Variants in DCC observed in about 807,000 individuals in gnomAD.
The protein encoded by DCC is netrin receptor DCC.
DCC carries 58 observed loss-of-function variants against 172.5 expected under a neutral mutation model. The observed-to-expected ratio is 0.34, with a 90% CI of 0.27 to 0.42. The LOEUF (loss-of-function observed/expected upper bound fraction) is 0.42. DCC is among the 10% of genes least tolerant of loss of function. The pLI is 1.00. For missense variants in DCC, 1,740 were observed against 1,791.0 expected (o/e 0.97, Z 0.51); for synonymous variants, 709 against 644.5 (o/e 1.10, Z -1.52).
chr18:52,988,629 G>T (rs1405503335), intron 5 of DCC, among the ~76,000 whole-genome samples: 1 of 151,782 alleles, frequency 6.6e-6, no homozygotes, highest in African/African-American at 2.4e-5. Flanking sequence ...AAGGCATTTT[G>T]CTCTCAAATA....
intron 2 of DCC, among the ~76,000 whole-genome samples, chr18:52,872,730 C>G (rs2039341636): frequency 6.6e-6 from 1 of 152,112 alleles, no homozygotes; most frequent in Non-Finnish European, 1.5e-5. Context: ...GCAGCTGTTC[C>G]TGGGGCTAAG....
At chr18:53,409,152 A>C (rs982653419) in intron 19 of DCC, among the ~76,000 whole-genome samples, 5 of 152,164 alleles carry the variant, frequency 3.3e-5, no homozygotes, top group African/African-American at 1.2e-4. Context: ...TGGTGTGGGA[A>C]TAAGCGGGAA....
At chr18:53,143,667 A>G (rs2043864133) in intron 7 of DCC, among the ~76,000 whole-genome samples, 1 of 152,240 alleles carries the variant, frequency 6.6e-6, no homozygotes. Flanking sequence ...TTGTAACTCT[A>G]TCTTCATGCT....
intron 7 of DCC, among the ~76,000 whole-genome samples, chr18:53,146,160 G>A (rs757030853): frequency 1.4e-4 from 22 of 152,138 alleles, no homozygotes; most frequent in Non-Finnish European, 2.8e-4. Context: ...GGCAGAGGTT[G>A]CAGTGAGCCA....
At chr18:52,623,242 T>G (rs575933503) in intron 1 of DCC, among the ~76,000 whole-genome samples, 4 of 152,310 alleles carry the variant, frequency 2.6e-5, no homozygotes, top group African/African-American at 7.2e-5. Flanking sequence ...TTAAATATTT[T>G]CCTCACATGT....
In DCC at chr18:53,309,653, G is replaced by A. The variant is rs1839777429; in HGVS notation, c.2053+3934G>A. On this transcript the variant is annotated intron_variant, in intron 13 of 28. Transcript: ENST00000442544. ...GTGTGACAGTTAGAACTTCTAATCA[G>A]CATGAGGTAACCCATCACCACTCTG... 3.3e-5 allele frequency among the ~76,000 whole-genome samples: 5 copies of A among 152,050 alleles called. No individual in the cohort carries two copies. The South Asian group carries it at 8.3e-4, about 25-fold the overall frequency.
At chr18:52,517,354 A>T (rs1160450416) in intron 1 of DCC, among the ~76,000 whole-genome samples, 1 of 152,066 alleles carries the variant, frequency 6.6e-6, no homozygotes, top group Non-Finnish European at 1.5e-5. Context: ...GATCAAAAAG[A>T]CTTGATACAC....
At chr18:53,423,387 G>A (rs942741137) in intron 21 of DCC, among the ~76,000 whole-genome samples, 2 of 152,116 alleles carry the variant, frequency 1.3e-5, no homozygotes, top group Non-Finnish European at 2.9e-5. Flanking sequence ...TTGGGGATGA[G>A]TCAGTTCTTT....
intron 5 of DCC, among the ~76,000 whole-genome samples, chr18:53,030,126 T>C (rs991059422): frequency 4.6e-5 from 7 of 152,200 alleles, no homozygotes; most frequent in Admixed American, 6.5e-5. Context: ...CACTTTGTTT[T>C]AGGTTATAAA....
chr18:52,760,519 C>A (rs891862733), intron 2 of DCC, among the ~76,000 whole-genome samples: 1 of 152,120 alleles, frequency 6.6e-6, no homozygotes, highest in African/African-American at 2.4e-5. Context: ...ATAGTCAGAG[C>A]GTGACCTCCA....
chr18:52,576,551 C>T (rs1050369591), intron 1 of DCC, among the ~76,000 whole-genome samples: 4 of 152,124 alleles, frequency 2.6e-5, no homozygotes, highest in East Asian at 1.9e-4. Flanking sequence ...TAGTTTCCGC[C>T]GGGCACAGTG....
At chr18:52,962,094 C>A (rs2145570016) in intron 5 of DCC, among the ~76,000 whole-genome samples, 1 of 150,194 alleles carries the variant, frequency 6.7e-6, no homozygotes, top group South Asian at 2.1e-4. Context: ...CAACAAAAGC[C>A]AAAATTGACA....
At chr18:53,022,930 A>C (rs925516676) in intron 5 of DCC, among the ~76,000 whole-genome samples, 1 of 152,156 alleles carries the variant, frequency 6.6e-6, no homozygotes, top group Non-Finnish European at 1.5e-5. Flanking sequence ...GTCTATGTCA[A>C]TGATATCCCC....
intron 1 of DCC, among the ~76,000 whole-genome samples, chr18:52,724,002 G>C (rs2036514239): frequency 6.6e-6 from 1 of 152,140 alleles, no homozygotes; most frequent in Non-Finnish European, 1.5e-5. Context: ...ACTCTTCAAA[G>C]GTACAGATGA....
At chr18:53,346,173 T>A (rs1283855629) in intron 15 of DCC, among the ~76,000 whole-genome samples, 3 of 152,128 alleles carry the variant, frequency 2.0e-5, no homozygotes, top group Non-Finnish European at 4.4e-5. Flanking sequence ...GTTGTTAACC[T>A]GTAGTAATAT....
chr18:52,503,283 T>C (rs1350833965), intron 1 of DCC, among the ~76,000 whole-genome samples: 3 of 152,122 alleles, frequency 2.0e-5, no homozygotes, highest in Non-Finnish European at 4.4e-5. Flanking sequence ...AGGGAGCTAG[T>C]AGTCATCACA....
At chr18:53,507,457 G>T (rs752580499) in intron 27 of DCC, among the ~76,000 whole-genome samples, 13 of 152,182 alleles carry the variant, frequency 8.5e-5, no homozygotes, top group Non-Finnish European at 1.3e-4. Context: ...TATCTTACTA[G>T]CAGGGACTTA....
intron 2 of DCC, among the ~76,000 whole-genome samples, chr18:52,816,141 C>T (rs1306524949): frequency 2.6e-5 from 4 of 152,146 alleles, no homozygotes; most frequent in Non-Finnish European, 5.9e-5. Flanking sequence ...AAAACTAAGG[C>T]ACAGTGAATC....
chr18:52,500,811 C>T (rs1021457408), intron 1 of DCC, among the ~76,000 whole-genome samples: 4 of 151,946 alleles, frequency 2.6e-5, no homozygotes, highest in African/African-American at 9.7e-5. Flanking sequence ...TTCTGCATTT[C>T]TGAGTTGTGT....
Sources: allele counts gnomAD v4.1 joint callset (sites outside exome capture counted in the v4.1 genomes callset), GRCh38; gene constraint gnomAD v4.1.1; transcripts MANE v1.5; gene names NCBI Gene and HGNC (gene_info 2026-07-23, HGNC 2026-07-21).